The following DSCAM variants were observed in gnomAD, a reference collection of about 807,000 sequenced individuals.
DSCAM encodes cell adhesion molecule DSCAM.
In DSCAM, 47 loss-of-function variants were observed where a neutral mutation model predicts 217.7. That is an observed-to-expected ratio of 0.22 (90% CI 0.17 to 0.28). The LOEUF is 0.28. Ranked by LOEUF, DSCAM falls within the 10% of genes least tolerant of loss-of-function variation. The pLI is 1.00. For missense variants in DSCAM, 2,080 were observed against 2,618.3 expected (o/e 0.79, Z 4.49); for synonymous variants, 1,056 against 1,015.3 (o/e 1.04, Z -0.76).
In DSCAM at chr21:40,072,826, T is replaced by C. The variant is rs553632646; in HGVS notation, c.4888+2211A>G. Among the ~76,000 whole-genome samples, 15 of 152,312 alleles carry C rather than the reference T, an allele frequency of 9.8e-5. No individual in the cohort carries two copies. The South Asian group carries it at 2.9e-3, about 29-fold the overall frequency. On this transcript the variant is annotated intron_variant, in intron 27 of 32. Coordinates refer to ENST00000400454, the MANE Select transcript of DSCAM (RefSeq NM_001389.5). ...CTTTCTTCCTACTGAAACCTTTGTG[T>C]TGGATTTACCTTTTCCCCAGAACAT...
At chr21:40,767,614 G>T (rs1569026795) in intron 1 of DSCAM, among the ~76,000 whole-genome samples, 1 of 152,204 alleles carries the variant, frequency 6.6e-6, no homozygotes, top group Non-Finnish European at 1.5e-5. Flanking sequence ...CAAAGTATCA[G>T]CCTGTCGTAT....
intron 1 of DSCAM, among the ~76,000 whole-genome samples, chr21:40,782,531 T>A (rs2091556095): frequency 6.6e-6 from 1 of 152,110 alleles, no homozygotes; most frequent in Non-Finnish European, 1.5e-5. Context: ...AGTTTGAGAC[T>A]AGTCTGGGCA....
intron 3 of DSCAM, among the ~76,000 whole-genome samples, chr21:40,476,031 C>A (rs529599255): frequency 7.2e-5 from 11 of 152,296 alleles, no homozygotes; most frequent in African/African-American, 2.6e-4. Flanking sequence ...GGGTGCTTCA[C>A]TCCCATGCTG....
chr21:40,173,920 G>A (rs1343583674), intron 15 of DSCAM, among the ~76,000 whole-genome samples: 1 of 152,150 alleles, frequency 6.6e-6, no homozygotes, highest in Non-Finnish European at 1.5e-5. Flanking sequence ...CATGTTCTAT[G>A]CACAGATTTA....
intron 1 of DSCAM, among the ~76,000 whole-genome samples, chr21:40,760,694 C>T (rs145515489): frequency 1.4e-3 from 215 of 152,338 alleles, no homozygotes; most frequent in African/African-American, 4.2e-3. Context: ...ATCTCTCCTC[C>T]TGTGATCCTT....
chr21:40,480,272 G>T (rs1294233736), intron 3 of DSCAM, among the ~76,000 whole-genome samples: 1 of 152,154 alleles, frequency 6.6e-6, no homozygotes, highest in African/African-American at 2.4e-5. Flanking sequence ...TCTAGATGTG[G>T]CTGTATACAC....
At chr21:40,559,415 A>C (rs945235891) in intron 3 of DSCAM, among the ~76,000 whole-genome samples, 3 of 151,128 alleles carry the variant, frequency 2.0e-5, no homozygotes, top group Non-Finnish European at 4.4e-5. Context: ...CTGAGATCGC[A>C]CCACTGCACT....
chr21:40,296,916 G>A (rs2073961333), intron 9 of DSCAM, among the ~76,000 whole-genome samples: 1 of 151,348 alleles, frequency 6.6e-6, no homozygotes, highest in South Asian at 2.1e-4. Context: ...ATTCATCTTG[G>A]ATGTGAACTG....
rs531527305 is a variant in DSCAM at position 40,436,737 on chromosome 21, C to T, written c.509-67492G>A. Among the ~76,000 whole-genome samples, 3 of 152,258 alleles carry T rather than the reference C, an allele frequency of 2.0e-5. No individual in the cohort carries two copies. In the South Asian group the frequency reaches 6.2e-4, roughly 32 times the overall value. On this transcript the variant is annotated intron_variant, in intron 3 of 32. Coordinates refer to ENST00000400454, the MANE Select transcript of DSCAM (RefSeq NM_001389.5). ...TAAAAAATGGTTAAGAATTTCAAGA[C>T]GAAAACAGCAGCGCATTAAGTCAAG...
intron 1 of DSCAM, among the ~76,000 whole-genome samples, chr21:40,716,088 A>G (rs999803993): frequency 6.6e-6 from 1 of 152,226 alleles, no homozygotes; most frequent in African/African-American, 2.4e-5. Flanking sequence ...TAAGCGACCT[A>G]TGGGGGATTA....
At chr21:40,762,259 TA>T (rs1284325764) in intron 1 of DSCAM, among the ~76,000 whole-genome samples, 1 of 150,868 alleles carries the variant, frequency 6.6e-6, no homozygotes. Context: ...ATAGACACAA[TA>T]AAAAAATGAT....
intron 1 of DSCAM, among the ~76,000 whole-genome samples, chr21:40,805,566 C>A (rs954376610): frequency 6.6e-6 from 1 of 152,182 alleles, no homozygotes; most frequent in Non-Finnish European, 1.5e-5. Context: ...CTGGGAATTA[C>A]GCCATGACCC....
At chr21:40,091,901 T>C (rs1028017566) in intron 21 of DSCAM, among the ~76,000 whole-genome samples, 4 of 152,042 alleles carry the variant, frequency 2.6e-5, no homozygotes, top group African/African-American at 7.2e-5. Context: ...TCCCACTGGG[T>C]CCGTCCCATG....
intron 1 of DSCAM, among the ~76,000 whole-genome samples, chr21:40,765,649 C>G (rs567472744): frequency 6.0e-4 from 91 of 152,216 alleles, no homozygotes; most frequent in African/African-American, 2.0e-3. Flanking sequence ...ATCCTTCACA[C>G]CTGGTAACAT....
intron 32 of DSCAM, among the ~76,000 whole-genome samples, chr21:40,039,023 G>C (rs1217074297): frequency 1.6e-5 from 2 of 124,062 alleles, no homozygotes; most frequent in East Asian, 3.0e-4. Context: ...GTAGTGGGGT[G>C]GGGGGAGGGG....
chr21:40,659,929 ATG>A (rs1347352523), intron 3 of DSCAM, among the ~76,000 whole-genome samples: 1 of 152,264 alleles, frequency 6.6e-6, no homozygotes, highest in African/African-American at 2.4e-5. Context: ...AAGAAATTGA[ATG>A]TGAATAAATT....
chr21:40,293,179 C>T (rs752140415), intron 10 of DSCAM, among the ~76,000 whole-genome samples: 53 of 152,260 alleles, frequency 3.5e-4, no homozygotes, highest in African/African-American at 1.1e-3. Flanking sequence ...TGATGGCTTA[C>T]GGACCCTTTA....
At chr21:40,598,255 C>T (rs906817094) in intron 3 of DSCAM, among the ~76,000 whole-genome samples, 1 of 152,160 alleles carries the variant, frequency 6.6e-6, no homozygotes, top group African/African-American at 2.4e-5. Flanking sequence ...ATTTAAGGTG[C>T]TTCCTGATCT....
chr21:40,032,389 T>C (rs936466004), intron 32 of DSCAM, among the ~76,000 whole-genome samples: 1 of 152,108 alleles, frequency 6.6e-6, no homozygotes, highest in Non-Finnish European at 1.5e-5. Flanking sequence ...TACCTCGGTG[T>C]AGTTTTTAAA....
Sources: allele counts gnomAD v4.1 joint callset (sites outside exome capture counted in the v4.1 genomes callset), GRCh38; gene constraint gnomAD v4.1.1; transcripts MANE v1.5; gene names NCBI Gene and HGNC (gene_info 2026-07-23, HGNC 2026-07-21).